DIABLO: variants seen among roughly 807,000 people sequenced by gnomAD.
DIABLO encodes the protein diablo IAP-binding mitochondrial protein.
Under a neutral mutation model 31.7 loss-of-function variants are expected in DIABLO, and 32 were observed. The observed-to-expected ratio is 1.01, with a 90% confidence interval of 0.76 to 1.35. The LOEUF (loss-of-function observed/expected upper bound fraction) is 1.35. DIABLO is among the 40% of genes most tolerant of loss of function. DIABLO has a pLI of 0.00. For missense variants in DIABLO, 316 were observed against 286.4 expected, an observed-to-expected ratio of 1.10 and a Z score of -0.75; for synonymous variants, 132 against 103.2, an observed-to-expected ratio of 1.28 and a Z score of -1.69.
rs745376603 is a variant in DIABLO, at chr12:122,216,535, G to A, written c.476C>T (p.Thr159Ile). ...EYLKLETTWM[T>I]AVGLSEMAAE... ...TGCCATCTCTGAAAGACCAACTGCA[G>A]TCATCCAAGTGGTTTCCAGCTTCAA... The change falls in exon 5 of 6, where the codon ACT (threonine) becomes ATT (isoleucine). Residue 159 changes from threonine to isoleucine, a missense_variant. Thr to Ile is a moderately conservative substitution (Grantham distance 89). Transcript: ENST00000464942. The A allele has an allele frequency of 4.3e-6, 7 of 1,614,118 alleles. No individual in the cohort carries two copies. The South Asian group carries it at 7.7e-5, about 18-fold the overall frequency.
intron 5 of DIABLO, among the ~76,000 whole-genome samples, chr12:122,211,006 C>T (rs1391241593): frequency 1.4e-5 from 2 of 143,956 alleles, no homozygotes; most frequent in African/African-American, 5.2e-5. Context: ...TATGATCCCA[C>T]CACAGCATTC....
At chr12:122,224,901 G>C (rs1187760679) in intron 1 of DIABLO, 1 of 1,332,942 alleles carries the variant, frequency 7.5e-7, no homozygotes, top group Admixed American at 2.4e-5. Context: ...TTGAGCCCAG[G>C]AGTTCACGAC....
intron 5 of DIABLO, among the ~76,000 whole-genome samples, chr12:122,209,250 CT>C (rs1954019546): frequency 6.6e-6 from 1 of 151,900 alleles, no homozygotes; most frequent in African/African-American, 2.4e-5. Flanking sequence ...GTAATCCCAG[CT>C]ACTTGGGAGG....
intron 1 of DIABLO, chr12:122,225,633 A>AT (rs926823169): frequency 7.7e-7 from 1 of 1,293,452 alleles, no homozygotes; most frequent in Non-Finnish European, 9.9e-7. Context: ...GACTCCCCCC[A>AT]TGCCGTGTCC....
At chr12:122,210,646 T>TG (rs1566021667) in intron 5 of DIABLO, among the ~76,000 whole-genome samples, 1 of 152,146 alleles carries the variant, frequency 6.6e-6, no homozygotes, top group African/African-American at 2.4e-5. Context: ...CCCAAAGTGC[T>TG]GGGATTACAG....
chr12:122,226,557 G>C (rs1298634484), upstream of DIABLO: 6 of 698,092 alleles, frequency 8.6e-6, no homozygotes, highest in African/African-American at 1.8e-5. Context: ...GGTGGACGAG[G>C]CCGGCATCGC....
At chr12:122,223,912 T>C (rs1954388544) in intron 2 of DIABLO, among the ~76,000 whole-genome samples, 1 of 152,216 alleles carries the variant, frequency 6.6e-6, no homozygotes, top group African/African-American at 2.4e-5. Flanking sequence ...GTGATCTTCC[T>C]GCCTCAGCCT....
At chr12:122,226,464 G>A, upstream of DIABLO, 2 of 698,350 alleles carry the variant, frequency 2.9e-6, no homozygotes, top group Admixed American at 2.0e-5. Flanking sequence ...GGTCCAGCCG[G>A]CCAGCAGCAG....
At chr12:122,213,906 G>C (rs1566023291) in intron 5 of DIABLO, among the ~76,000 whole-genome samples, 1 of 152,070 alleles carries the variant, frequency 6.6e-6, no homozygotes, top group African/African-American at 2.4e-5. Flanking sequence ...CCAACATGGT[G>C]AAACTCCGTC....
At chr12:122,215,348 G>A (rs1015011973) in intron 5 of DIABLO, among the ~76,000 whole-genome samples, 1 of 152,180 alleles carries the variant, frequency 6.6e-6, no homozygotes, top group Admixed American at 6.5e-5. Flanking sequence ...GGAGGCCAAG[G>A]CGGGTGGATC....
In DIABLO at chr12:122,224,806, T is replaced by A; in HGVS notation, c.51-162A>T. On this transcript the variant is annotated intron_variant, in intron 1 of 5. Transcript: ENST00000464942. ...TGAAATTTTCAACATACACCAAGTT[T>A]AAAATGTTGCCTCAGGCAGGGTGTT... The A allele has an allele frequency of 2.6e-6, 4 of 1,537,356 alleles. No individual in the cohort carries two copies. In the South Asian group the frequency reaches 4.7e-5, roughly 18 times the overall value.
Position 122,218,404 on chromosome 12 carries a change from GAC to G in DIABLO, c.184-9_184-8del, listed in dbSNP as rs1566025920. On this transcript the variant is annotated splice_polypyrimidine_tract_variant and splice_region_variant and intron_variant, in intron 2 of 5. Transcript: ENST00000464942. ...GGGAATGAGGCTCTGATTTCTGAAA[GAC>G]ACAAACATTGTCACTCAACCTCTAA... 2 of 1,614,038 alleles carry G rather than the reference GAC, an allele frequency of 1.2e-6. No homozygotes were observed. The highest frequency in any genetic ancestry group is 2.2e-5 in the East Asian group (1 of 44,860).
At chr12:122,209,869 A>G in intron 5 of DIABLO, 1 of 700,334 alleles carries the variant, frequency 1.4e-6, no homozygotes, top group Non-Finnish European at 2.6e-6. Flanking sequence ...CTGAAAGTCC[A>G]CACAATTAAG....
At chr12:122,226,665 A>T (rs1159185880), upstream of DIABLO, 2 of 625,820 alleles carry the variant, frequency 3.2e-6, no homozygotes, top group African/African-American at 3.8e-5. Flanking sequence ...TCGAAACAGC[A>T]AACGAAGGCC....
In DIABLO at chr12:122,207,669, C is replaced by T; in HGVS notation, c.*712G>A. 3.1e-6 allele frequency: 2 copies of T among 635,674 alleles called. No individual in the cohort carries two copies. The highest frequency in any genetic ancestry group is 1.5e-5 in the South Asian group (1 of 65,672). The allele number at this position is 635,674 out of a possible 1,614,324, so 39.4% of individuals were successfully genotyped here. A position where few individuals can be genotyped will look rare whatever the true frequency, so the allele number is the denominator to read the frequency against. ...TCAAGGAAGGAGGCTGCATAGGACC[C>T]CAGGAGAGACGCATTTTCTCTTTCA... On this transcript the variant is annotated 3_prime_UTR_variant, in exon 6 of 6. Coordinates refer to ENST00000464942, the MANE Select transcript of DIABLO (RefSeq NM_001371333.1).
chr12:122,210,548 T>A (rs962018483), intron 5 of DIABLO, among the ~76,000 whole-genome samples: 3 of 150,884 alleles, frequency 2.0e-5, no homozygotes, highest in South Asian at 2.1e-4. Flanking sequence ...TATTTATTTA[T>A]TTTTTTTATT....
intron 2 of DIABLO, chr12:122,218,757 T>C (rs1183933295): frequency 6.4e-6 from 2 of 314,776 alleles, no homozygotes; most frequent in Non-Finnish European, 1.2e-5. Flanking sequence ...CTGGCCAACA[T>C]GGTGAAACCC....
At chr12:122,214,864 T>A (rs1395248970) in intron 5 of DIABLO, among the ~76,000 whole-genome samples, 1 of 152,252 alleles carries the variant, frequency 6.6e-6, no homozygotes, top group East Asian at 1.9e-4. Context: ...CTAATTTTTG[T>A]ATTTTTAGTA....
chr12:122,214,169 C>T (rs1413760443), intron 5 of DIABLO, among the ~76,000 whole-genome samples: 2 of 152,122 alleles, frequency 1.3e-5, no homozygotes, highest in Non-Finnish European at 2.9e-5. Context: ...GATGACACAA[C>T]ACTTACCTTA....
Sources: gnomAD v4.1 joint callset for allele counts (sites outside exome capture counted in the v4.1 genomes callset) on GRCh38, gnomAD v4.1.1 for gene constraint, MANE v1.5 for transcripts, NCBI Gene and HGNC (gene_info 2026-07-23, HGNC 2026-07-21) for gene names.